Variants in MARS1 observed in about 807,000 individuals in gnomAD.
The protein encoded by MARS1 is methionine--tRNA ligase, cytoplasmic.
Under a neutral mutation model 119.5 loss-of-function variants are expected in MARS1, and 80 were observed. The observed-to-expected ratio is 0.67, with a 90% CI of 0.56 to 0.81. The LOEUF is 0.81. Ranked by LOEUF, MARS1 falls within the 30% of genes least tolerant of loss-of-function variation. The probability of loss-of-function intolerance (pLI) is 0.00; values close to 1 mark genes in which losing one functional copy is unlikely to be tolerated. For missense variants in MARS1, 945 were observed against 1,116.5 expected, an observed-to-expected ratio of 0.85 and a Z score of 2.19; for synonymous variants, 418 against 433.4, an observed-to-expected ratio of 0.96 and a Z score of 0.44.
rs74832951 is a variant in MARS1 at position 57,489,985 on chromosome 12, A to G, written c.490+14A>G. The G allele has an allele frequency of 4.1e-4, 656 of 1,611,568 alleles. 1 individual carries two copies. In the African/African-American group the frequency reaches 7.6e-3, roughly 19 times the overall value. Reference sequence around the variant, plus strand: ...CCTACCTCCCTGGTGAGAACTGTGCATATCACTCCAACCCTAGGAGCTTGG... The same window carrying G: ...CCTACCTCCCTGGTGAGAACTGTGCGTATCACTCCAACCCTAGGAGCTTGG... On this transcript the variant is annotated intron_variant, in intron 5 of 20. Coordinates refer to ENST00000262027, the MANE Select transcript of MARS1 (RefSeq NM_004990.4).
chr12:57,495,293 C>A (rs892839770), intron 7 of MARS1, among the ~76,000 whole-genome samples: 2 of 150,842 alleles, frequency 1.3e-5, no homozygotes, highest in Admixed American at 6.6e-5. Flanking sequence ...GGGCGGCTGC[C>A]GGGCGGACAC....
Position 57,493,420 on chromosome 12 carries a change from TATG to T in MARS1, c.770+2779_770+2781del, listed in dbSNP as rs1280293502. The stretch of plus-strand genomic sequence containing the variant: ...ATAATATATGTTATATAATATATTA[TATG>T]ATATGTATAATATATTACATAATAT... On this transcript the variant is annotated intron_variant, in intron 7 of 20. Coordinates refer to ENST00000262027, the MANE Select transcript of MARS1 (RefSeq NM_004990.4). Among the ~76,000 whole-genome samples the T allele has an allele frequency of 6.9e-5, 3 of 43,592 alleles. 1 individual carries two copies. Among genetic ancestry groups the T allele is most frequent in the African/African-American group, 2.2e-4 (2 of 9,248 alleles). 28.6% of individuals were successfully genotyped at this position (43,592 alleles called of 152,430 possible). A position where few individuals can be genotyped will look rare whatever the true frequency, so the allele number is the denominator to read the frequency against.
chr12:57,490,661 C>T lies in MARS1; in HGVS notation c.770+17C>T. 1 of 1,607,040 alleles carries T rather than the reference C, an allele frequency of 6.2e-7. No individual in the cohort carries two copies. The highest frequency in any genetic ancestry group is 8.5e-7 in the Non-Finnish European group (1 of 1,173,926). ...GAATCCAGTGTGAGTAGACATGGCACATGTGAGTGGGGCTTGATTTTGTAG... is the reference window on the plus strand; with the variant it reads ...GAATCCAGTGTGAGTAGACATGGCATATGTGAGTGGGGCTTGATTTTGTAG... On this transcript the variant is annotated intron_variant, in intron 7 of 20. Coordinates refer to ENST00000262027, the MANE Select transcript of MARS1 (RefSeq NM_004990.4).
chr12:57,498,093 A>G (rs1045435070), intron 7 of MARS1, 64 bp from the exon 8 acceptor site: 103 of 1,005,344 alleles, frequency 1.0e-4, no homozygotes, highest in South Asian at 4.0e-4. Context: ...TGTTCTGTGC[A>G]CTTTTCGTCC....
intron 6 of MARS1, 64 bp from the exon 7 acceptor site, chr12:57,490,474 G>C: frequency 1.2e-6 from 2 of 1,610,836 alleles, no homozygotes; most frequent in Non-Finnish European, 8.5e-7. Context: ...TAGTGGCAAG[G>C]AGAAAGTTTC....
intron 7 of MARS1, among the ~76,000 whole-genome samples, chr12:57,492,428 T>C (rs1223040851): frequency 6.6e-6 from 1 of 152,030 alleles, no homozygotes; most frequent in East Asian, 1.9e-4. Flanking sequence ...CCTAGCACTT[T>C]GGGAGGCCAA....
intron 7 of MARS1, among the ~76,000 whole-genome samples, chr12:57,493,767 TATATATA>T (rs1461729570): frequency 3.0e-3 from 3 of 990 alleles, no homozygotes; most frequent in African/African-American, 5.5e-3. Flanking sequence ...TTATATATAT[TATATATA>T]ATATATATTA....
At chr12:57,505,661 A>G (rs970397491) in intron 11 of MARS1, among the ~76,000 whole-genome samples, 2 of 151,806 alleles carry the variant, frequency 1.3e-5, no homozygotes, top group African/African-American at 4.8e-5. Context: ...ATAATTGAAA[A>G]ATTAGCCGGG....
chr12:57,507,779 G>T (rs1330609122), intron 11 of MARS1, among the ~76,000 whole-genome samples: 1 of 150,012 alleles, frequency 6.7e-6, no homozygotes, highest in African/African-American at 2.4e-5. Context: ...CCTCCCGGAC[G>T]GGGCGGCTGG....
intron 5 of MARS1, 56 bp from the exon 6 acceptor site, chr12:57,490,151 G>A (rs984128017): frequency 4.5e-6 from 7 of 1,562,258 alleles, no homozygotes; most frequent in South Asian, 2.3e-5. Flanking sequence ...AAAGATGCCC[G>A]CTCCTGCCTA....
Position 57,511,884 on chromosome 12 carries a change from T to C in MARS1, c.1539+16T>C, listed in dbSNP as rs1877539287. 6.2e-7 allele frequency: 1 copy of C among 1,612,916 alleles called. No individual in the cohort carries two copies. Among genetic ancestry groups the C allele is most frequent in the Admixed American group, 1.7e-5 (1 of 59,790 alleles). On this transcript the variant is annotated intron_variant, in intron 12 of 20. Coordinates refer to ENST00000262027, the MANE Select transcript of MARS1 (RefSeq NM_004990.4). ...TGAAGACAAGGTAAAAACCCTTTTT[T>C]ATTCATATCATTCAGCCTTAGTGTT... is the stretch of plus-strand genomic sequence containing the variant.
intron 7 of MARS1, among the ~76,000 whole-genome samples, chr12:57,490,875 CT>C (rs34238800): frequency 0.15 from 15,529 of 100,946 alleles, 896 homozygotes; most frequent in East Asian, 0.27. Flanking sequence ...CTTGTCTATC[CT>C]TTTTTTTTTT....
chr12:57,513,036 T>A (rs1484013840), intron 15 of MARS1, 72 bp downstream of exon 15: 2 of 1,292,966 alleles, frequency 1.5e-6, no homozygotes, highest in Non-Finnish European at 2.2e-6. Flanking sequence ...GAGATGGGAA[T>A]GTGGAGAGAA....
chr12:57,500,310 C>T lies in MARS1; in HGVS notation c.1092-11C>T, dbSNP rs1273606946. On this transcript the variant is annotated splice_polypyrimidine_tract_variant and intron_variant, in intron 9 of 20. Transcript: ENST00000262027. ...GACTGTCTCTTCCTGATCCCTGGCC[C>T]ACCTCACCAGAATCACCCAGGACAT... 2 of 1,613,102 alleles carry T rather than the reference C, an allele frequency of 1.2e-6. No individual in the cohort carries two copies. Among genetic ancestry groups the T allele is most frequent in the Non-Finnish European group, 1.7e-6 (2 of 1,179,258 alleles).
rs1877848846 is a variant in MARS1 at position 57,516,548 on chromosome 12, C to T, written c.2670C>T (p.Pro890=). 2 of 1,597,102 alleles carry T rather than the reference C, an allele frequency of 1.3e-6. No individual in the cohort carries two copies. Among genetic ancestry groups the T allele is most frequent in the Non-Finnish European group, 1.7e-6 (2 of 1,175,258 alleles). Residue 890 remains proline, a synonymous_variant, in exon 21 of 21, where the codon CCC becomes CCT. Transcript: ENST00000262027. The part of the protein sequence containing the change: ...KKQLAVAEGK[P]PEAPKGKKKK ...AGTTGGCTGTAGCTGAGGGGAAACC[C>T]CCTGAAGCCCCTAAAGGCAAGAAGA... is the stretch of plus-strand genomic sequence containing the variant.
intron 7 of MARS1, among the ~76,000 whole-genome samples, chr12:57,493,617 A>AAT (rs1876263220): frequency 2.3e-5 from 1 of 43,628 alleles, no homozygotes; most frequent in African/African-American, 1.5e-4. Context: ...ATAATATATT[A>AAT]TAATATATAT....
intron 9 of MARS1, 37 bp from the exon 10 acceptor site, chr12:57,500,284 T>G (rs1876858745): frequency 6.3e-7 from 1 of 1,589,806 alleles, no homozygotes; most frequent in African/African-American, 1.3e-5. Context: ...CCACGTCTTC[T>G]GACTGTCTCT....
chr12:57,511,932 G>A, intron 12 of MARS1, 64 bp downstream of exon 12: 1 of 1,603,038 alleles, frequency 6.2e-7, no homozygotes, highest in Non-Finnish European at 8.5e-7. Flanking sequence ...TAGCAGAGTA[G>A]ACTGCTGATT....
rs756315501 is a variant in MARS1 at position 57,488,140 on chromosome 12, C to G, written c.50C>G (p.Ala17Gly). The G allele has an allele frequency of 3.1e-6, 5 of 1,614,152 alleles. No individual in the cohort carries two copies. Among genetic ancestry groups the G allele is most frequent in the Non-Finnish European group, 4.2e-6 (5 of 1,180,034 alleles). ...GTCCCGGGTTGCTTGCCGGTGCTGG[C>G]CGCCGCCGGGAGAGCCCGGGGCAGA... ...DGVPGCLPVL[A>G]AAGRARGRAE... Residue 17 changes from alanine to glycine, a missense_variant, in exon 1 of 21, where the codon GCC becomes GGC. Physicochemically the swap from Ala to Gly is moderately conservative, Grantham distance 60 (BLOSUM62 0). Transcript: ENST00000262027.
Sources: gnomAD v4.1 joint callset for allele counts (sites outside exome capture counted in the v4.1 genomes callset) on GRCh38, gnomAD v4.1.1 for gene constraint, MANE v1.5 for transcripts, NCBI Gene and HGNC (gene_info 2026-07-23, HGNC 2026-07-21) for gene names.